The following PIEZO2 variants were observed in gnomAD, a reference collection of about 807,000 sequenced individuals.
The protein encoded by PIEZO2 is piezo type mechanosensitive ion channel component 2, also known as piezo-type mechanosensitive ion channel component 2.
In PIEZO2, 172 loss-of-function variants were observed where a neutral mutation model predicts 337.3. The ratio of observed to expected loss-of-function variants is 0.51; its 90% CI spans 0.45 to 0.58. The LOEUF (loss-of-function observed/expected upper bound fraction) is 0.58, where lower values mean the gene tolerates loss of function less well. PIEZO2 is among the 20% of genes least tolerant of loss of function. The pLI, the probability that PIEZO2 is intolerant of heterozygous loss-of-function variation, is 0.00. For missense variants in PIEZO2, 3,028 were observed against 3,391.3 expected (o/e 0.89, Z 2.66); for synonymous variants, 1,251 against 1,228.5 (o/e 1.02, Z -0.38).
At chr18:10,785,751 G>T (rs912737338) in intron 16 of PIEZO2, among the ~76,000 whole-genome samples, 3 of 152,090 alleles carry the variant, frequency 2.0e-5, no homozygotes, top group Non-Finnish European at 2.9e-5. Flanking sequence ...AAATCTAGGG[G>T]AAGCTCCCAT....
intron 3 of PIEZO2, among the ~76,000 whole-genome samples, chr18:10,916,230 C>A (rs264291): frequency 0.94 from 142,862 of 152,204 alleles, 67,155 homozygotes; most frequent in East Asian, 1. Flanking sequence ...CAGCTGGCTT[C>A]GCCTAGTGGA....
At position 10,680,229 on chromosome 18, in the gene PIEZO2, A is replaced by C; in HGVS notation, c.7922T>G (p.Phe2641Cys). 6.2e-7 allele frequency: 1 copy of C among 1,613,596 alleles called. No homozygotes were observed. The highest frequency in any genetic ancestry group is 8.5e-7 in the Non-Finnish European group (1 of 1,179,696). Residue 2641 changes from phenylalanine to cysteine, a missense_variant, in exon 52 of 56, where the codon TTC (phenylalanine) becomes TGC (cysteine). By Grantham distance (205) the Phe-to-Cys change is radical. Transcript: ENST00000674853. ...IHELLDPNSS[F>C]SVVFSWSIQR... ...AATACTCCATGAAAAAACAACAGAG[A>C]AGCTACTATTGGGGTCCAGGAGTTC...
rs2035515852 is a variant in PIEZO2 at position 11,001,089 on chromosome 18, CT to C, written c.161-21430del. Among the ~76,000 whole-genome samples, 1 of 152,154 alleles carries C rather than the reference CT, an allele frequency of 6.6e-6. No individual in the cohort carries two copies. The highest frequency in any genetic ancestry group is 1.5e-5 in the Non-Finnish European group (1 of 68,022). ...GTCATGAGTCAACCACCCCTGGAAC[CT>C]GGAAGAATATGTGTCTTGGTCATGG... is the stretch of plus-strand genomic sequence containing the variant. On this transcript the variant is annotated intron_variant, in intron 2 of 55. Coordinates refer to ENST00000674853, the MANE Select transcript of PIEZO2 (RefSeq NM_001378183.1). The surrounding 1 kb of genome is among the most constrained non-coding windows in gnomAD (Gnocchi z 5.3).
chr18:10,731,355 G>A, intron 36 of PIEZO2, 52 bp downstream of exon 36: 16 of 1,265,012 alleles, frequency 1.3e-5, no homozygotes, highest in Non-Finnish European at 1.6e-5. Context: ...AGGCTGGGGA[G>A]CACAGCCTGA....
In PIEZO2 at chr18:10,790,705, C is replaced by CTTTT. The variant is rs34016331; in HGVS notation, c.1882+492_1882+495dup. ...TCACCTTCGTGAGGATCAAATGGCA[C>CTTTT]TTTTTTTTTTTTTTTTTTGAGAGGG... is the stretch of plus-strand genomic sequence containing the variant. On this transcript the variant is annotated intron_variant, in intron 14 of 55. Transcript: ENST00000674853. Among the ~76,000 whole-genome samples the CTTTT allele has an allele frequency of 1.5e-4, 19 of 127,876 alleles. 1 individual carries two copies. The highest frequency in any genetic ancestry group is 4.1e-4 in the Admixed American group (5 of 12,344). 83.9% of individuals were successfully genotyped at this position (127,876 alleles called of 152,430 possible). A position where few individuals can be genotyped will look rare whatever the true frequency, so the allele number is the denominator to read the frequency against.
chr18:10,857,633 G>A (rs959559837), intron 5 of PIEZO2, among the ~76,000 whole-genome samples: 10 of 152,182 alleles, frequency 6.6e-5, no homozygotes, highest in African/African-American at 2.4e-4. Flanking sequence ...TCCAATCAAT[G>A]CTTAGGAAAT....
rs9964839 is a variant in PIEZO2, at chr18:11,076,643, T to A, written c.65-10421A>T. ...CTGTTATCTATGTCAACATATACACTTATCAGATCAAATATTAGCAACAGT... is the reference window on the plus strand; with the variant it reads ...CTGTTATCTATGTCAACATATACACATATCAGATCAAATATTAGCAACAGT... On this transcript the variant is annotated intron_variant, in intron 1 of 55. Coordinates refer to ENST00000674853, the MANE Select transcript of PIEZO2 (RefSeq NM_001378183.1). 5.3e-5 allele frequency among the ~76,000 whole-genome samples: 8 copies of A among 152,138 alleles called. No individual in the cohort carries two copies. The South Asian group carries it at 1.0e-3, about 20-fold the overall frequency.
intron 3 of PIEZO2, among the ~76,000 whole-genome samples, chr18:10,941,291 T>A (rs2032713014): frequency 6.6e-6 from 1 of 152,194 alleles, no homozygotes; most frequent in East Asian, 1.9e-4. Flanking sequence ...TAGAATTGTC[T>A]TCCCTTTCCC....
chr18:10,897,111 C>T (rs574049230), intron 4 of PIEZO2, among the ~76,000 whole-genome samples: 2 of 152,152 alleles, frequency 1.3e-5, no homozygotes, highest in African/African-American at 4.8e-5. Context: ...GGGAGGAACC[C>T]GGTGAGGGAT....
Position 10,691,365 on chromosome 18 carries a change from C to T in PIEZO2, c.7209G>A (p.Leu2403=). Reference sequence around the variant, plus strand: ...TCACAAAGTACCAAAGCTGGGCAACCAGGTTCTGGCTGAATTTCCTAAAAT... The same window carrying T: ...TCACAAAGTACCAAAGCTGGGCAACTAGGTTCTGGCTGAATTTCCTAAAAT... ...GVTERKFSQN[L]VAQLWYFVKC... The change falls in exon 48 of 56, where the codon CTG becomes CTA. Residue 2403 remains leucine, a synonymous_variant. Transcript: ENST00000674853. 6.2e-7 allele frequency: 1 copy of T among 1,611,806 alleles called. No individual in the cohort carries two copies. The highest frequency in any genetic ancestry group is 1.1e-5 in the South Asian group (1 of 90,420).
Position 10,726,687 on chromosome 18 carries a change from C to A in PIEZO2, c.5029+4720G>T. ...ACACCTCGCTGCCAAGTTAATTCAGCAAGGACCAGGTGTACCTGAACGGCA... is the reference window on the plus strand; with the variant it reads ...ACACCTCGCTGCCAAGTTAATTCAGAAAGGACCAGGTGTACCTGAACGGCA... On this transcript the variant is annotated intron_variant, in intron 36 of 55. Coordinates refer to ENST00000674853, the MANE Select transcript of PIEZO2 (RefSeq NM_001378183.1). The surrounding 1 kb of genome is among the most constrained non-coding windows in gnomAD (Gnocchi z 5.9). 7.0e-7 allele frequency: 1 copy of A among 1,430,560 alleles called. No individual in the cohort carries two copies. Among genetic ancestry groups the A allele is most frequent in the Non-Finnish European group, 9.7e-7 (1 of 1,032,446 alleles). 88.6% of individuals were successfully genotyped at this position (1,430,560 alleles called of 1,614,324 possible). A position where few individuals can be genotyped will look rare whatever the true frequency, so the allele number is the denominator to read the frequency against.
intron 3 of PIEZO2, among the ~76,000 whole-genome samples, chr18:10,963,446 G>A (rs1022112645): frequency 6.6e-6 from 1 of 152,216 alleles, no homozygotes; most frequent in African/African-American, 2.4e-5. Flanking sequence ...TCACATTTAA[G>A]GTCAAGACAT....
chr18:10,912,597 C>G (rs1357643870), intron 3 of PIEZO2, among the ~76,000 whole-genome samples: 2 of 152,190 alleles, frequency 1.3e-5, no homozygotes, highest in East Asian at 3.8e-4. Flanking sequence ...TCAAATTAAA[C>G]TCGTACGGTG....
chr18:10,889,230 C>T, intron 4 of PIEZO2, among the ~76,000 whole-genome samples: 1 of 152,134 alleles, frequency 6.6e-6, no homozygotes, highest in East Asian at 1.9e-4. Flanking sequence ...AGTTTTTTCC[C>T]CTTTCTGTAA....
In PIEZO2 at chr18:11,096,758, T is replaced by C. The variant is rs565023021; in HGVS notation, c.65-30536A>G. 9.2e-5 allele frequency among the ~76,000 whole-genome samples: 14 copies of C among 152,340 alleles called. No homozygotes were observed. Among genetic ancestry groups the C allele is most frequent in the African/African-American group, 3.1e-4 (13 of 41,578 alleles). On this transcript the variant is annotated intron_variant, in intron 1 of 55. Transcript: ENST00000674853. This position sits in a 1 kb window ranked among gnomAD's most constrained non-coding sequence, Gnocchi z 4.6. ...AGGGACAGTGAGTTGCCTAGTCGCC[T>C]ACATAGCTCAGGCTGACCACACTAA...
chr18:10,757,603 G>A (rs2037932917), intron 27 of PIEZO2, among the ~76,000 whole-genome samples: 1 of 151,352 alleles, frequency 6.6e-6, no homozygotes, highest in Admixed American at 6.6e-5. Flanking sequence ...GAAGAAAGAT[G>A]GGGGATGAGG....
intron 15 of PIEZO2, among the ~76,000 whole-genome samples, chr18:10,787,663 A>G (rs756470361): frequency 7.2e-5 from 11 of 152,232 alleles, no homozygotes; most frequent in Non-Finnish European, 1.3e-4. Flanking sequence ...GTGGATATTC[A>G]TTAGAGAACA....
chr18:11,114,035 G>A (rs1306753780), intron 1 of PIEZO2, among the ~76,000 whole-genome samples: 2 of 152,208 alleles, frequency 1.3e-5, no homozygotes, highest in East Asian at 3.8e-4. Flanking sequence ...TTAATGTAAT[G>A]GATGCACTAA....
At chr18:10,839,779 T>C (rs1272613539) in intron 7 of PIEZO2, among the ~76,000 whole-genome samples, 1 of 72,876 alleles carries the variant, frequency 1.4e-5, no homozygotes, top group East Asian at 1.6e-3. Context: ...GGAGTATCAT[T>C]TTTTTTTACC....
Sources: gnomAD v4.1 joint callset for allele counts (sites outside exome capture counted in the v4.1 genomes callset) on GRCh38, gnomAD v4.1.1 for gene constraint, Gnocchi (gnomAD v3.1) non-coding constraint, MANE v1.5 for transcripts, NCBI Gene and HGNC (gene_info 2026-07-23, HGNC 2026-07-21) for gene names.